Variants in SLC30A7 observed in about 807,000 individuals in gnomAD.
SLC30A7 encodes solute carrier family 30 member 7.
Under a neutral mutation model 46.0 loss-of-function variants are expected in SLC30A7, and 35 were observed. The observed-to-expected ratio is 0.76, with a 90% CI of 0.58 to 1.01. SLC30A7 has a LOEUF of 1.01. Among genes scored for constraint, SLC30A7 ranks in the 50% least tolerant of loss-of-function variants. The probability of loss-of-function intolerance (pLI) is 0.00; values close to 1 mark genes in which losing one functional copy is unlikely to be tolerated. For synonymous variants in SLC30A7, 147 were observed against 157.8 expected (o/e 0.93, Z 0.51); for missense variants, 464 against 451.1 (o/e 1.03, Z -0.26).
At chr1:100,983,895 G>C (rs922586976), downstream of SLC30A7, among the ~76,000 whole-genome samples, 5 of 152,146 alleles carry the variant, frequency 3.3e-5, no homozygotes, top group Admixed American at 1.3e-4. Context: ...ATTAGCCGTC[G>C]CTGTCTTCCA....
chr1:100,929,304 A>G (rs1040117826), intron 8 of SLC30A7, among the ~76,000 whole-genome samples: 18 of 152,170 alleles, frequency 1.2e-4, no homozygotes, highest in African/African-American at 3.9e-4. Flanking sequence ...GTTAAAAAGT[A>G]GCTCCAAAGT....
At chr1:100,917,205 T>TA (rs1652624056) in intron 6 of SLC30A7, among the ~76,000 whole-genome samples, 1 of 150,564 alleles carries the variant, frequency 6.6e-6, no homozygotes, top group Admixed American at 6.6e-5. Flanking sequence ...GCATATCTCT[T>TA]ACACTTTTGG....
chr1:100,982,440 C>T (rs1159491620), downstream of SLC30A7, among the ~76,000 whole-genome samples: 1 of 152,190 alleles, frequency 6.6e-6, no homozygotes, highest in Non-Finnish European at 1.5e-5. Flanking sequence ...GAACTACCAG[C>T]ATATCAAATT....
rs553816359 is a variant in SLC30A7 at position 100,911,026 on chromosome 1, A to G, written c.297-37A>G. On this transcript the variant is annotated intron_variant, in intron 3 of 10. Coordinates refer to ENST00000357650, the MANE Select transcript of SLC30A7 (RefSeq NM_133496.5). ...TTTACGATTTAATTTTTAAGAAATA[A>G]CATAATAATTCAGTTATTTACTTTG... 1.1e-5 allele frequency: 16 copies of G among 1,450,300 alleles called. No homozygotes were observed. In the Admixed American group the frequency reaches 2.3e-4, roughly 20 times the overall value. 89.8% of individuals were successfully genotyped at this position (1,450,300 alleles called of 1,614,324 possible). A position where few individuals can be genotyped will look rare whatever the true frequency, so the allele number is the denominator to read the frequency against.
chr1:100,991,788 C>CAAAAAAAAAAAAAA, the SLC30A7 span, among the ~76,000 whole-genome samples: 172 of 100,754 alleles, frequency 1.7e-3, 2 homozygotes, highest in African/African-American at 3.2e-3. Flanking sequence ...GACCCCATCT[C>CAAAAAAAAAAAAAA]AAAAAAAAAA....
At chr1:100,906,619 GT>G (rs1557974922) in intron 2 of SLC30A7, among the ~76,000 whole-genome samples, 8 of 152,148 alleles carry the variant, frequency 5.3e-5, no homozygotes, top group African/African-American at 1.7e-4. Flanking sequence ...GCAGCAGATG[GT>G]TTTTGTTTCT....
At chr1:100,923,879 C>T (rs564073024) in intron 8 of SLC30A7, among the ~76,000 whole-genome samples, 1 of 152,290 alleles carries the variant, frequency 6.6e-6, no homozygotes, top group South Asian at 2.1e-4. Context: ...GCTTAGATGT[C>T]CCATATTCTG....
chr1:100,896,527 C>G, intron 1 of SLC30A7, 43 bp from the exon 2 acceptor site: 1 of 1,578,802 alleles, frequency 6.3e-7, no homozygotes. Flanking sequence ...GTCCCGGCAC[C>G]TCCTTAACTC....
intron 8 of SLC30A7, among the ~76,000 whole-genome samples, chr1:100,935,848 A>G (rs1570553229): frequency 2.0e-5 from 3 of 152,278 alleles, no homozygotes; most frequent in Admixed American, 2.0e-4. Context: ...AAGAGGGATT[A>G]TTACTAAACC....
At chr1:100,931,384 C>A (rs1254079310) in intron 8 of SLC30A7, among the ~76,000 whole-genome samples, 1 of 152,114 alleles carries the variant, frequency 6.6e-6, no homozygotes, top group Admixed American at 6.5e-5. Flanking sequence ...ATGCACAATT[C>A]GTAAATATGC....
intron 10 of SLC30A7, among the ~76,000 whole-genome samples, chr1:100,973,405 A>G (rs1656268710): frequency 6.6e-6 from 1 of 152,154 alleles, no homozygotes; most frequent in Admixed American, 6.5e-5. Context: ...AAAATAGATC[A>G]TTTTGGGTTG....
chr1:100,957,348 A>G (rs1655283888), intron 8 of SLC30A7, among the ~76,000 whole-genome samples: 1 of 152,210 alleles, frequency 6.6e-6, no homozygotes, highest in Non-Finnish European at 1.5e-5. Flanking sequence ...TTTGCCAAGT[A>G]TATCTATGTG....
At chr1:100,921,950 C>A in intron 8 of SLC30A7, 109 bp downstream of exon 8, 4 of 398,196 alleles carry the variant, frequency 1.0e-5, no homozygotes, top group East Asian at 7.8e-5. Context: ...CCTTTGCTTG[C>A]TTTTTTTTTT....
intron 8 of SLC30A7, among the ~76,000 whole-genome samples, chr1:100,950,922 A>C (rs1294061584): frequency 6.6e-6 from 1 of 152,170 alleles, no homozygotes; most frequent in African/African-American, 2.4e-5. Flanking sequence ...GAAGGGAAGG[A>C]GCCAGCATCG....
intron 3 of SLC30A7, 69 bp downstream of exon 3, chr1:100,907,034 GCTCAGTGA>G: frequency 9.6e-7 from 1 of 1,038,576 alleles, no homozygotes. Flanking sequence ...CTAATCTTAA[GCTCAGTGA>G]CTTGTTACCA....
intron 9 of SLC30A7, among the ~76,000 whole-genome samples, chr1:100,964,281 AC>A (rs1421498174): frequency 6.8e-6 from 1 of 146,452 alleles, no homozygotes; most frequent in African/African-American, 2.5e-5. Context: ...ATAACCTATA[AC>A]ATATATGTTA....
At chr1:100,919,611 A>G (rs565635545) in intron 7 of SLC30A7, among the ~76,000 whole-genome samples, 1 of 152,332 alleles carries the variant, frequency 6.6e-6, no homozygotes, top group East Asian at 1.9e-4. Context: ...ATCAAGTACT[A>G]TAAATTAGCC....
intron 6 of SLC30A7, 102 bp downstream of exon 6, chr1:100,913,908 A>C: frequency 6.8e-7 from 1 of 1,470,254 alleles, no homozygotes; most frequent in Non-Finnish European, 9.1e-7. Flanking sequence ...TACCAAATCA[A>C]CTTCTTTTCT....
intron 8 of SLC30A7, among the ~76,000 whole-genome samples, chr1:100,937,818 TCAAC>T (rs1654065153): frequency 6.6e-6 from 1 of 152,198 alleles, no homozygotes; most frequent in South Asian, 2.1e-4. Flanking sequence ...ATCTGAGAAA[TCAAC>T]CAAACCAATG....
Sources: allele counts gnomAD v4.1 joint callset (sites outside exome capture counted in the v4.1 genomes callset), GRCh38; gene constraint gnomAD v4.1.1; transcripts MANE v1.5; gene names NCBI Gene and HGNC (gene_info 2026-07-23, HGNC 2026-07-21).